The following GALNT7 variants were observed in gnomAD, a reference collection of about 807,000 sequenced individuals.
The protein encoded by GALNT7 is polypeptide N-acetylgalactosaminyltransferase 7.
Under a neutral mutation model 82.1 loss-of-function variants are expected in GALNT7, and 60 were observed. That is an observed-to-expected ratio of 0.73 (90% CI 0.59 to 0.91). The LOEUF (loss-of-function observed/expected upper bound fraction) is 0.91. Ranked by LOEUF, GALNT7 falls within the 40% of genes least tolerant of loss-of-function variation. The pLI is 0.00. For missense variants in GALNT7, 660 were observed against 804.2 expected (o/e 0.82, Z 2.17); for synonymous variants, 243 against 275.1 (o/e 0.88, Z 1.15).
chr4:173,285,370 G>C (rs1043055579), intron 2 of GALNT7, among the ~76,000 whole-genome samples: 2 of 152,204 alleles, frequency 1.3e-5, no homozygotes, highest in African/African-American at 4.8e-5. Flanking sequence ...GTAGTTAGGA[G>C]CATGGTCACT....
intron 2 of GALNT7, among the ~76,000 whole-genome samples, chr4:173,256,304 G>T (rs1335968828): frequency 6.6e-6 from 1 of 152,140 alleles, no homozygotes; most frequent in Non-Finnish European, 1.5e-5. Context: ...TTTAATTTTG[G>T]TGAAATTGCT....
At chr4:173,304,231 T>G in intron 8 of GALNT7, 113 bp downstream of exon 8, 1 of 783,328 alleles carries the variant, frequency 1.3e-6, no homozygotes, top group Non-Finnish European at 2.0e-6. Flanking sequence ...GCAGTCATGT[T>G]GATTCTCACC....
At chr4:173,226,384 G>GT (rs955754147) in intron 1 of GALNT7, among the ~76,000 whole-genome samples, 20 of 151,850 alleles carry the variant, frequency 1.3e-4, no homozygotes, top group African/African-American at 2.4e-5. Context: ...GTAACTTGCT[G>GT]TTTTTTTTAA....
At chr4:173,321,395 T>TAGAAAACTGACAATCAAGAGAAATCC (rs1230999035) in intron 11 of GALNT7, among the ~76,000 whole-genome samples, 185 bp from the exon 12 acceptor site, 1 of 152,094 alleles carries the variant, frequency 6.6e-6, no homozygotes, top group Non-Finnish European at 1.5e-5. Context: ...TCTTAGGACT[T>TAGAAAACTGACAATCAAGAGAAATCC]AGAAAACTGA....
intron 8 of GALNT7, 45 bp downstream of exon 8, chr4:173,304,163 T>C (rs765141870): frequency 5.1e-6 from 8 of 1,562,778 alleles, no homozygotes; most frequent in Non-Finnish European, 7.0e-6. Context: ...CTAACATTTA[T>C]GTACCACATG....
At chr4:173,173,242 G>A (rs1731932712) in intron 1 of GALNT7, among the ~76,000 whole-genome samples, 1 of 151,422 alleles carries the variant, frequency 6.6e-6, no homozygotes, top group Non-Finnish European at 1.5e-5. Flanking sequence ...ATTATGGGAA[G>A]CTTTTTTTTT....
At chr4:173,209,134 C>T (rs1733191644) in intron 1 of GALNT7, among the ~76,000 whole-genome samples, 1 of 152,224 alleles carries the variant, frequency 6.6e-6, no homozygotes, top group African/African-American at 2.4e-5. Context: ...GTCTCTGATG[C>T]ACACTGGTGC....
chr4:173,181,383 A>G (rs1435238089), intron 1 of GALNT7, among the ~76,000 whole-genome samples: 1 of 152,182 alleles, frequency 6.6e-6, no homozygotes, highest in Non-Finnish European at 1.5e-5. Context: ...GATCAGTGAA[A>G]ATAAATTTGC....
chr4:173,304,637 T>G, intron 8 of GALNT7, among the ~76,000 whole-genome samples: 1 of 152,090 alleles, frequency 6.6e-6, no homozygotes. Context: ...ATAATAGATC[T>G]CTTAAAACTA....
chr4:173,313,069 AT>A (rs889387519), intron 8 of GALNT7, among the ~76,000 whole-genome samples: 3 of 151,288 alleles, frequency 2.0e-5, no homozygotes, highest in Non-Finnish European at 4.4e-5. Context: ...AAAAATATAT[AT>A]TTTTTTTAAA....
intron 1 of GALNT7, among the ~76,000 whole-genome samples, chr4:173,194,554 T>C (rs752324275): frequency 3.1e-4 from 47 of 152,232 alleles, no homozygotes; most frequent in Non-Finnish European, 6.2e-4. Context: ...TAATCAGTTT[T>C]GAATCTAAGC....
intron 1 of GALNT7, among the ~76,000 whole-genome samples, chr4:173,187,927 C>T (rs1391751012): frequency 6.6e-6 from 1 of 152,062 alleles, no homozygotes; most frequent in Non-Finnish European, 1.5e-5. Flanking sequence ...AAACAAATAC[C>T]TTTTCTTTTA....
intron 1 of GALNT7, among the ~76,000 whole-genome samples, chr4:173,181,683 A>G (rs749617910): frequency 5.3e-5 from 8 of 152,178 alleles, no homozygotes; most frequent in Non-Finnish European, 8.8e-5. Flanking sequence ...TCACCTACAG[A>G]CATAATAAAG....
chr4:173,219,036 A>G (rs1191657491), intron 1 of GALNT7, among the ~76,000 whole-genome samples: 3 of 151,986 alleles, frequency 2.0e-5, no homozygotes, highest in Non-Finnish European at 4.4e-5. Context: ...TACATGAATA[A>G]GTTCTTTAGT....
intron 1 of GALNT7, among the ~76,000 whole-genome samples, chr4:173,194,801 C>T (rs757298565): frequency 6.6e-6 from 1 of 152,144 alleles, no homozygotes; most frequent in Non-Finnish European, 1.5e-5. Context: ...TCCCCCACCC[C>T]ACAACAGGCC....
At chr4:173,243,847 C>T (rs972482552) in intron 1 of GALNT7, among the ~76,000 whole-genome samples, 3 of 152,024 alleles carry the variant, frequency 2.0e-5, no homozygotes, top group South Asian at 2.1e-4. Context: ...TGATTTAAGC[C>T]CTGCTCTCCC....
At chr4:173,220,572 A>T (rs1733612986) in intron 1 of GALNT7, among the ~76,000 whole-genome samples, 1 of 152,074 alleles carries the variant, frequency 6.6e-6, no homozygotes, top group African/African-American at 2.4e-5. Context: ...ACATACGTAT[A>T]CATGTGACAT....
intron 1 of GALNT7, among the ~76,000 whole-genome samples, chr4:173,246,784 T>C (rs1734649197): frequency 6.6e-6 from 1 of 152,210 alleles, no homozygotes; most frequent in Admixed American, 6.5e-5. Context: ...CTTTTCAAGG[T>C]AGCTCTAACC....
chr4:173,274,246 G>T, intron 2 of GALNT7, among the ~76,000 whole-genome samples: 1 of 152,016 alleles, frequency 6.6e-6, no homozygotes, highest in East Asian at 1.9e-4. Flanking sequence ...TTCAAAAAAA[G>T]AAAATTTGAA....
Sources: gnomAD v4.1 joint callset for allele counts (sites outside exome capture counted in the v4.1 genomes callset) on GRCh38, gnomAD v4.1.1 for gene constraint, MANE v1.5 for transcripts, NCBI Gene and HGNC (gene_info 2026-07-23, HGNC 2026-07-21) for gene names.